TDRD7: variants seen among roughly 807,000 people sequenced by gnomAD.
TDRD7 encodes the protein tudor domain-containing protein 7.
Under a neutral mutation model 109.8 loss-of-function variants are expected in TDRD7, and 47 were observed. That is an observed-to-expected ratio of 0.43 (90% CI 0.34 to 0.55). The LOEUF is 0.55. Ranked by LOEUF, TDRD7 falls within the 20% of genes least tolerant of loss-of-function variation. TDRD7 has a pLI of 0.03. For missense variants in TDRD7, 1,164 were observed against 1,319.2 expected (o/e 0.88, Z 1.82); for synonymous variants, 424 against 457.3 (o/e 0.93, Z 0.93).
At chr9:97,416,515 G>T (rs113410137) in intron 1 of TDRD7, among the ~76,000 whole-genome samples, 1 of 152,098 alleles carries the variant, frequency 6.6e-6, no homozygotes, top group Non-Finnish European at 1.5e-5. Flanking sequence ...TATTCAAGCC[G>T]TGCCTGCTGC....
chr9:97,450,114 C>A (rs1828465352), intron 6 of TDRD7, among the ~76,000 whole-genome samples: 1 of 151,974 alleles, frequency 6.6e-6, no homozygotes, highest in African/African-American at 2.4e-5. Context: ...GGGCTTGACT[C>A]CATGGTCTAG....
rs1828308214 is a variant in TDRD7, at chr9:97,441,704, C to A, written c.684C>A (p.Ala228=). 6.2e-7 allele frequency: 1 copy of A among 1,613,070 alleles called. No individual in the cohort carries two copies. The highest frequency in any genetic ancestry group is 1.3e-5 in the African/African-American group (1 of 74,838). ...AAAAACCCAATGTCAAGCCTCCTGCCTCTTACACTTATAAAATGGATGAGG... is the reference window on the plus strand; with the variant it reads ...AAAAACCCAATGTCAAGCCTCCTGCATCTTACACTTATAAAATGGATGAGG... ...TVEKPNVKPP[A]SYTYKMDEVQ... The change falls in exon 6 of 17, where the codon GCC becomes GCA. Residue 228 remains alanine (A), a synonymous_variant. Coordinates refer to ENST00000355295, the MANE Select transcript of TDRD7 (RefSeq NM_014290.3).
chr9:97,473,361 T>C (rs1009327766), intron 10 of TDRD7, 131 bp from the exon 11 acceptor site: 1 of 1,237,690 alleles, frequency 8.1e-7, no homozygotes, highest in Non-Finnish European at 1.2e-6. Flanking sequence ...CATTTCATCT[T>C]ACATATACTC....
At chr9:97,448,224 C>T (rs1333305000) in intron 6 of TDRD7, among the ~76,000 whole-genome samples, 1 of 152,220 alleles carries the variant, frequency 6.6e-6, no homozygotes, top group African/African-American at 2.4e-5. Flanking sequence ...CTTATCATCA[C>T]TAGCCTCAGT....
intron 8 of TDRD7, among the ~76,000 whole-genome samples, chr9:97,469,583 G>T (rs1270701341): frequency 6.6e-6 from 1 of 152,128 alleles, no homozygotes; most frequent in Non-Finnish European, 1.5e-5. Context: ...ATGTTACTTG[G>T]TATTAAGGCC....
Position 97,432,091 on chromosome 9 carries a change from A to G in TDRD7, c.416A>G (p.Asn139Ser), listed in dbSNP as rs1317477843. ...ASNFSVGKKP[N>S]PAPLRDKGNS... Reference sequence around the variant, plus strand: ...AATTTTTCTGTTGGCAAAAAACCTAATCCAGCACCGTTAAGAGACAAAGGA... The same window carrying G: ...AATTTTTCTGTTGGCAAAAAACCTAGTCCAGCACCGTTAAGAGACAAAGGA... The change falls in exon 4 of 17, where the codon AAT becomes AGT. Residue 139 changes from asparagine (N) to serine (S), a missense_variant. By Grantham distance (46) the Asn-to-Ser change is conservative (BLOSUM62 1). This residue lies in a region of TDRD7 where 407 missense variants were observed against 394.0 expected (regional missense o/e 1.03). Transcript: ENST00000355295. The G allele has an allele frequency of 6.2e-7, 1 of 1,613,882 alleles. No homozygotes were observed. The highest frequency in any genetic ancestry group is 1.1e-5 in the South Asian group (1 of 91,086).
At chr9:97,415,177 C>T (rs1564190668) in intron 1 of TDRD7, among the ~76,000 whole-genome samples, 1 of 152,136 alleles carries the variant, frequency 6.6e-6, no homozygotes, top group African/African-American at 2.4e-5. Context: ...TAGTGCCACT[C>T]GACAACTTAA....
intron 1 of TDRD7, among the ~76,000 whole-genome samples, chr9:97,416,742 C>T (rs1827818090): frequency 6.6e-6 from 1 of 151,732 alleles, no homozygotes; most frequent in Non-Finnish European, 1.5e-5. Flanking sequence ...TTTAATAGCT[C>T]ACCTATGTTA....
intron 6 of TDRD7, among the ~76,000 whole-genome samples, chr9:97,453,729 A>T (rs902285755): frequency 5.9e-5 from 9 of 152,214 alleles, no homozygotes; most frequent in Non-Finnish European, 4.4e-5. Context: ...GCAAAAAAAT[A>T]AAAAAGCAGG....
At chr9:97,455,518 A>C (rs1043489166) in intron 6 of TDRD7, among the ~76,000 whole-genome samples, 2 of 152,226 alleles carry the variant, frequency 1.3e-5, no homozygotes, top group Admixed American at 1.3e-4. Flanking sequence ...GCCTGGTTCA[A>C]CATATGTAAA....
chr9:97,494,696 A>ATATATATATATATATG (rs1564219875), intron 16 of TDRD7, among the ~76,000 whole-genome samples: 17 of 32,348 alleles, frequency 5.3e-4, no homozygotes, highest in South Asian at 4.9e-3. Context: ...ATATATATGT[A>ATATATATATATATATG]TATATATATA....
At chr9:97,486,821 T>G (rs1269691970) in intron 15 of TDRD7, among the ~76,000 whole-genome samples, 1 of 152,182 alleles carries the variant, frequency 6.6e-6, no homozygotes, top group Non-Finnish European at 1.5e-5. Context: ...CCACCCTCCT[T>G]CAGTGAAGGG....
chr9:97,433,734 A>G (rs1246179710), intron 4 of TDRD7, among the ~76,000 whole-genome samples: 1 of 152,216 alleles, frequency 6.6e-6, no homozygotes, highest in Non-Finnish European at 1.5e-5. Context: ...AAGACATACA[A>G]ATGATCAACA....
intron 15 of TDRD7, among the ~76,000 whole-genome samples, chr9:97,486,837 CT>C (rs1469671231): frequency 6.6e-6 from 1 of 152,170 alleles, no homozygotes; most frequent in African/African-American, 2.4e-5. Flanking sequence ...AAGGGATCCC[CT>C]GGCTTTGTCC....
At chr9:97,428,748 C>T in intron 2 of TDRD7, 76 bp downstream of exon 2, 1 of 1,353,474 alleles carries the variant, frequency 7.4e-7, no homozygotes, top group Non-Finnish European at 1.0e-6. Context: ...AATCTCCTAC[C>T]TGTGATAGAC....
intron 7 of TDRD7, among the ~76,000 whole-genome samples, chr9:97,462,904 G>T (rs920301888): frequency 9.9e-5 from 15 of 152,198 alleles, no homozygotes; most frequent in Non-Finnish European, 1.9e-4. Flanking sequence ...TCTGGCAGGA[G>T]CCTGTGTTTG....
intron 6 of TDRD7, among the ~76,000 whole-genome samples, chr9:97,456,887 C>T (rs1182764630): frequency 1.3e-5 from 2 of 152,168 alleles, no homozygotes; most frequent in African/African-American, 4.8e-5. Flanking sequence ...AGGCACCCTA[C>T]AGAATGGGAG....
chr9:97,431,798 G>C (rs1828108483), intron 3 of TDRD7, among the ~76,000 whole-genome samples: 1 of 152,152 alleles, frequency 6.6e-6, no homozygotes, highest in Non-Finnish European at 1.5e-5. Context: ...CAGTTGGTGA[G>C]AAGCAGGAGT....
chr9:97,489,107 A>G (rs998574705), intron 16 of TDRD7, among the ~76,000 whole-genome samples: 1 of 152,218 alleles, frequency 6.6e-6, no homozygotes, highest in South Asian at 2.1e-4. Flanking sequence ...AGAAGAATGT[A>G]TAATCTGCTG....
Sources: allele counts gnomAD v4.1 joint callset (sites outside exome capture counted in the v4.1 genomes callset), GRCh38; gene constraint gnomAD v4.1.1; regional missense constraint gnomAD v4.1.1; transcripts MANE v1.5; gene names NCBI Gene and HGNC (gene_info 2026-07-23, HGNC 2026-07-21).